FLI1: variants seen among roughly 807,000 people sequenced by gnomAD.
The protein encoded by FLI1 is Friend leukemia integration 1 transcription factor.
In FLI1, 13 loss-of-function variants were observed where a neutral mutation model predicts 53.1. The ratio of observed to expected loss-of-function variants is 0.24; its 90% confidence interval spans 0.16 to 0.39. The LOEUF (loss-of-function observed/expected upper bound fraction) is 0.39. Ranked by LOEUF, FLI1 falls within the 10% of genes least tolerant of loss-of-function variation. The probability of loss-of-function intolerance (pLI) is 1.00; values close to 1 mark genes in which losing one functional copy is unlikely to be tolerated. For missense variants in FLI1, 424 were observed against 600.5 expected, an observed-to-expected ratio of 0.71 and a Z score of 3.07; for synonymous variants, 244 against 236.7, an observed-to-expected ratio of 1.03 and a Z score of -0.28.
chr11:128,739,143 T>C (rs1940025627), intron 1 of FLI1, among the ~76,000 whole-genome samples: 1 of 152,140 alleles, frequency 6.6e-6, no homozygotes, highest in Non-Finnish European at 1.5e-5. Flanking sequence ...GGAGATCTCT[T>C]AGCCTTGCTC....
chr11:128,774,512 C>T (rs603021), intron 4 of FLI1, among the ~76,000 whole-genome samples: 65,005 of 152,008 alleles, frequency 0.43, 15,401 homozygotes, highest in Middle Eastern at 0.58. Flanking sequence ...GTGATCTAGG[C>T]AGGCCAGGGT....
intron 1 of FLI1, among the ~76,000 whole-genome samples, chr11:128,754,905 AT>A (rs1940801326): frequency 6.6e-6 from 1 of 152,222 alleles, no homozygotes; most frequent in Admixed American, 6.5e-5. Context: ...TGTGAACTAC[AT>A]TCTTAAGGAA....
intron 1 of FLI1, among the ~76,000 whole-genome samples, chr11:128,739,135 A>G (rs982512670): frequency 1.3e-5 from 2 of 152,084 alleles, no homozygotes; most frequent in East Asian, 3.9e-4. Context: ...AGGCTGAGGG[A>G]GATCTCTTAG....
chr11:128,794,697 T>C (rs572401398), intron 5 of FLI1, among the ~76,000 whole-genome samples: 4 of 152,304 alleles, frequency 2.6e-5, no homozygotes, highest in African/African-American at 9.6e-5. Flanking sequence ...AGAAAGTCCT[T>C]GAGGAGGAAA....
chr11:128,757,996 A>C, intron 1 of FLI1, 119 bp from the exon 2 acceptor site: 1 of 824,304 alleles, frequency 1.2e-6, no homozygotes, highest in Admixed American at 2.6e-5. Flanking sequence ...GTCAAACAGG[A>C]ACTTCCAGAC....
chr11:128,710,071 G>A (rs1056480056), intron 1 of FLI1, among the ~76,000 whole-genome samples: 4 of 152,158 alleles, frequency 2.6e-5, no homozygotes, highest in African/African-American at 9.7e-5. Context: ...TTCACTTAAC[G>A]AGGCCAGGAA....
At chr11:128,691,181 A>G (rs1937724975), upstream of FLI1, among the ~76,000 whole-genome samples, 1 of 149,928 alleles carries the variant, frequency 6.7e-6, no homozygotes. Flanking sequence ...CGTGAAAACA[A>G]TGTGAGCTGC....
intron 6 of FLI1, 69 bp from the exon 7 acceptor site, chr11:128,807,111 T>C: frequency 1.1e-6 from 1 of 888,636 alleles, no homozygotes; most frequent in Non-Finnish European, 1.7e-6. Context: ...AAAGCACATC[T>C]GTCAAGACGT....
intron 3 of FLI1, among the ~76,000 whole-genome samples, chr11:128,769,722 G>C (rs1198077728): frequency 6.6e-6 from 1 of 152,234 alleles, no homozygotes; most frequent in Non-Finnish European, 1.5e-5. Flanking sequence ...AACAAAGGAA[G>C]AGGAAGAATC....
At chr11:128,787,894 C>T (rs1006105123) in intron 5 of FLI1, among the ~76,000 whole-genome samples, 1 of 150,428 alleles carries the variant, frequency 6.6e-6, no homozygotes, top group Non-Finnish European at 1.5e-5. Flanking sequence ...GCAAGCTCCA[C>T]CTCCCGGGTT....
rs1286231014 is a variant in FLI1 at position 128,811,648 on chromosome 11, T to C, written c.*660T>C. ...CAAGATATGAACTAAGAAATTTTAATGCAAATACATACATTCCTGAAAGAC... is the reference window on the plus strand; with the variant it reads ...CAAGATATGAACTAAGAAATTTTAACGCAAATACATACATTCCTGAAAGAC... On this transcript the variant is annotated 3_prime_UTR_variant, in exon 9 of 9. Transcript: ENST00000527786. 4.8e-6 allele frequency: 1 copy of C among 208,526 alleles called. No individual in the cohort carries two copies. Among genetic ancestry groups the C allele is most frequent in the Non-Finnish European group, 9.8e-6 (1 of 102,306 alleles). 12.9% of individuals were successfully genotyped at this position (208,526 alleles called of 1,614,324 possible). A position where few individuals can be genotyped will look rare whatever the true frequency, so the allele number is the denominator to read the frequency against.
chr11:128,695,163 C>G (rs995838588), intron 1 of FLI1, among the ~76,000 whole-genome samples: 1 of 152,226 alleles, frequency 6.6e-6, no homozygotes, highest in South Asian at 2.1e-4. Context: ...CCACCCCAGC[C>G]GCCGCCGCCA....
intron 1 of FLI1, among the ~76,000 whole-genome samples, chr11:128,743,037 A>G (rs1022211535): frequency 6.6e-6 from 1 of 152,182 alleles, no homozygotes; most frequent in Non-Finnish European, 1.5e-5. Context: ...TCACCAACCT[A>G]TAATGAACAT....
intron 5 of FLI1, among the ~76,000 whole-genome samples, chr11:128,795,436 A>T (rs1415820970): frequency 6.6e-6 from 1 of 152,252 alleles, no homozygotes; most frequent in Non-Finnish European, 1.5e-5. Context: ...CCAATAAAGG[A>T]AGAACCAGAA....
chr11:128,805,211 C>A (rs1256297136), intron 5 of FLI1, 155 bp from the exon 6 acceptor site: 2 of 526,222 alleles, frequency 3.8e-6, no homozygotes, highest in Non-Finnish European at 6.7e-6. Flanking sequence ...AATATTCCAA[C>A]CCCAGGGGGT....
intron 1 of FLI1, among the ~76,000 whole-genome samples, chr11:128,751,595 C>T (rs1205700755): frequency 6.6e-6 from 1 of 151,606 alleles, no homozygotes; most frequent in African/African-American, 2.4e-5. Context: ...GGTGTGATCT[C>T]GGCTCACTGC....
At position 128,699,414 on chromosome 11, in the gene FLI1, G is replaced by C. The variant is rs143364926; in HGVS notation, c.18+5138G>C. Among the ~76,000 whole-genome samples the C allele has an allele frequency of 5.3e-5, 8 of 152,248 alleles. No individual in the cohort carries two copies. The East Asian group carries it at 1.5e-3, about 29-fold the overall frequency. On this transcript the variant is annotated intron_variant, in intron 1 of 8. Coordinates refer to ENST00000527786, the MANE Select transcript of FLI1 (RefSeq NM_002017.5). ...TTCCTTTTAAGTCTATATTTTGCTTGTTGTTTTGTAACGAATTAAGTAGGC... is the reference window on the plus strand; with the variant it reads ...TTCCTTTTAAGTCTATATTTTGCTTCTTGTTTTGTAACGAATTAAGTAGGC...
At chr11:128,703,757 C>T (rs531366093) in intron 1 of FLI1, among the ~76,000 whole-genome samples, 55 of 144,656 alleles carry the variant, frequency 3.8e-4, no homozygotes, top group African/African-American at 1.3e-3. Context: ...GCAGGAGAAT[C>T]GCTTGAACCC....
intron 1 of FLI1, among the ~76,000 whole-genome samples, chr11:128,700,240 T>C (rs1262651906): frequency 6.6e-6 from 1 of 152,208 alleles, no homozygotes; most frequent in Admixed American, 6.5e-5. Context: ...TGGGAGATAA[T>C]ACCATGATGT....
Sources: allele counts gnomAD v4.1 joint callset (sites outside exome capture counted in the v4.1 genomes callset), GRCh38; gene constraint gnomAD v4.1.1; transcripts MANE v1.5; gene names NCBI Gene and HGNC (gene_info 2026-07-23, HGNC 2026-07-21).